The following SCPEP1 variants were observed in gnomAD, a reference collection of about 807,000 sequenced individuals.
The protein encoded by SCPEP1 is serine carboxypeptidase 1.
In SCPEP1, 51 loss-of-function variants were observed where a neutral mutation model predicts 63.8. That is an observed-to-expected ratio of 0.80 (90% CI 0.64 to 1.01). The LOEUF is 1.01. Among genes scored for constraint, SCPEP1 ranks in the 50% least tolerant of loss-of-function variants. SCPEP1 has a pLI of 0.00. For synonymous variants in SCPEP1, 204 were observed against 207.8 expected, an observed-to-expected ratio of 0.98 and a Z score of 0.16; for missense variants, 499 against 554.9, an observed-to-expected ratio of 0.90 and a Z score of 1.01.
At chr17:56,988,830 A>G (rs1051578831) in intron 5 of SCPEP1, among the ~76,000 whole-genome samples, 25 of 152,104 alleles carry the variant, frequency 1.6e-4, no homozygotes, top group African/African-American at 6.0e-4. Context: ...TGGAAAATAG[A>G]AAACTTGTAT....
rs1911058105 is a variant in SCPEP1, at chr17:56,981,196, AC to A, written c.192del (p.Phe65SerfsTer61). On this transcript the variant is annotated frameshift_variant, in exon 2 of 13. Transcript: ENST00000262288. LOFTEE classifies it high-confidence loss of function. ...TATTATGCCACCAACTCCTGCAAGA[AC>A]TTCTCAGAACTGCCCCTGGTCATGT... The part of the protein sequence containing the change: ...WLYYATNSCK[N>X]FSELPLVMWL... 1 of 1,614,018 alleles carries A rather than the reference AC, an allele frequency of 6.2e-7. No homozygotes were observed. Among genetic ancestry groups the A allele is most frequent in the Admixed American group, 1.7e-5 (1 of 59,994 alleles).
intron 1 of SCPEP1, among the ~76,000 whole-genome samples, chr17:56,980,024 G>C (rs1911024090): frequency 6.6e-6 from 1 of 152,032 alleles, no homozygotes; most frequent in African/African-American, 2.4e-5. Context: ...TCCAAAAAAG[G>C]TAATTGTTGC....
chr17:56,985,998 C>A (rs932607441), intron 3 of SCPEP1, among the ~76,000 whole-genome samples: 2 of 152,034 alleles, frequency 1.3e-5, no homozygotes, highest in Non-Finnish European at 2.9e-5. Context: ...TTGGGTCACT[C>A]CCACTGTCCA....
rs1454676643 is a variant in SCPEP1, at chr17:56,997,052, C to T, written c.877C>T (p.Leu293=). 1.3e-6 allele frequency: 2 copies of T among 1,581,234 alleles called. No homozygotes were observed. Residue 293 remains leucine, a synonymous_variant, in exon 9 of 13, where the codon CTA becomes TTA. Transcript: ENST00000262288. ...ESSLEFTQSH[L]VCLCQRHVRH... is the part of the protein sequence containing the mutation. ...GAGTCTAGAATTCACACAGAGCCAC[C>T]TAGGTGAGTGAACCTTGAAGTTATT...
rs765940257 is a variant in SCPEP1 at position 56,995,615 on chromosome 17, G to A, written c.766G>A (p.Ala256Thr). The A allele has an allele frequency of 3.7e-6, 6 of 1,613,916 alleles. No individual in the cohort carries two copies. The highest frequency in any genetic ancestry group is 5.1e-6 in the Non-Finnish European group (6 of 1,179,920). Residue 256 changes from alanine to threonine, a missense_variant, in exon 8 of 13, where the codon GCA becomes ACA. Coordinates refer to ENST00000262288, the MANE Select transcript of SCPEP1 (RefSeq NM_021626.3). ...AGAGGCCACAGAGCTGTGGGGGAAA[G>A]CAGAAATGATCATTGAACAGGTAAA... ...YREATELWGK[A>T]EMIIEQNTDG...
chr17:57,000,574 T>G (rs1284444053), intron 10 of SCPEP1, among the ~76,000 whole-genome samples: 3 of 152,244 alleles, frequency 2.0e-5, no homozygotes, highest in Non-Finnish European at 4.4e-5. Context: ...TCTCCCTCCC[T>G]GTTTCCTTGG....
chr17:56,992,387 G>A (rs1300699632), intron 6 of SCPEP1, among the ~76,000 whole-genome samples: 1 of 152,006 alleles, frequency 6.6e-6, no homozygotes, highest in Non-Finnish European at 1.5e-5. Flanking sequence ...GATCTCGTAG[G>A]ACATCATAAA....
intron 3 of SCPEP1, 113 bp from the exon 4 acceptor site, chr17:56,987,582 C>T: frequency 1.1e-6 from 1 of 911,002 alleles, no homozygotes; most frequent in Admixed American, 2.7e-5. Flanking sequence ...ATATCATCAC[C>T]ACGCTGGTAT....
intron 1 of SCPEP1, 138 bp from the exon 2 acceptor site, chr17:56,980,944 T>G: frequency 1.1e-6 from 1 of 888,678 alleles, no homozygotes; most frequent in Non-Finnish European, 1.7e-6. Flanking sequence ...TCCTTATTCC[T>G]GCAATGTACT....
rs1474311161 is a variant in SCPEP1, at chr17:56,998,446, T to C, written c.942T>C (p.Asn314=). The C allele has an allele frequency of 6.2e-7, 1 of 1,613,978 alleles. No individual in the cohort carries two copies. The highest frequency in any genetic ancestry group is 8.5e-7 in the Non-Finnish European group (1 of 1,179,946). ...GAGATGCCTTAAGCCAGCTCATGAA[T>C]GGCCCCATCAGAAAGAAGCTCAAAA... The part of the protein sequence containing the change: ...LQRDALSQLM[N]GPIRKKLKII... Residue 314 remains asparagine (N), a synonymous_variant, in exon 10 of 13, where the codon AAT becomes AAC. Coordinates refer to ENST00000262288, the MANE Select transcript of SCPEP1 (RefSeq NM_021626.3).
At chr17:56,981,580 C>T (rs1432159291) in intron 2 of SCPEP1, among the ~76,000 whole-genome samples, 2 of 152,008 alleles carry the variant, frequency 1.3e-5, no homozygotes, top group Non-Finnish European at 2.9e-5. Flanking sequence ...TTTGGGAGGC[C>T]GAGGTGGGTG....
At chr17:56,998,167 T>C (rs952443088) in intron 9 of SCPEP1, 1 of 431,326 alleles carries the variant, frequency 2.3e-6, no homozygotes, top group Admixed American at 3.5e-5. Flanking sequence ...AAAAATGAGC[T>C]GGGCATGGTG....
chr17:56,998,123 C>T (rs111526407), intron 9 of SCPEP1: 16,140 of 352,606 alleles, frequency 0.046, 465 homozygotes, highest in Non-Finnish European at 0.052. Flanking sequence ...CCATCCTGGC[C>T]AACATGGTGA....
chr17:56,994,703 G>A (rs58536703), intron 6 of SCPEP1, among the ~76,000 whole-genome samples: 2 of 152,122 alleles, frequency 1.3e-5, no homozygotes, highest in African/African-American at 4.8e-5. Flanking sequence ...TGCTGTCATC[G>A]GCAATGACTC....
At chr17:56,996,884 G>A (rs1207652504) in intron 8 of SCPEP1, 78 bp from the exon 9 acceptor site, 1 of 853,638 alleles carries the variant, frequency 1.2e-6, no homozygotes, top group Non-Finnish European at 1.8e-6. Context: ...ATAAGATAAA[G>A]AGCCATGTGT....
intron 2 of SCPEP1, among the ~76,000 whole-genome samples, chr17:56,981,667 C>A (rs1361046942): frequency 1.3e-5 from 2 of 152,004 alleles, no homozygotes; most frequent in Non-Finnish European, 1.5e-5. Context: ...ATATTTAATA[C>A]AAAAATTATC....
In SCPEP1 at chr17:56,998,494, G is replaced by T. The variant is rs1304696821; in HGVS notation, c.990G>T (p.Trp330Cys). 1.9e-6 allele frequency: 3 copies of T among 1,611,280 alleles called. No individual in the cohort carries two copies. The highest frequency in any genetic ancestry group is 2.5e-6 in the Non-Finnish European group (3 of 1,177,576). ...KLKIIPEDQSWGGQATNVFVN... is the reference protein window; with the variant it reads ...KLKIIPEDQSCGGQATNVFVN... ...AAATTATTCCTGAGGATCAATCCTG[G>T]GGAGGTACTTATATGACCTAATTAA... Residue 330 changes from tryptophan to cysteine, a missense_variant, in exon 10 of 13, where the codon TGG becomes TGT. Trp to Cys is a radical substitution (Grantham distance 215, BLOSUM62 -2). Transcript: ENST00000262288.
chr17:56,983,322 A>G (rs543727116), intron 2 of SCPEP1: 12 of 152,378 alleles, frequency 7.9e-5, no homozygotes, highest in African/African-American at 2.9e-4. Context: ...GATTTCTCCC[A>G]CAAAGACCCA....
chr17:56,987,775 C>T lies in SCPEP1; in HGVS notation c.396C>T (p.Ala132=), dbSNP rs1911267000. 6.2e-6 allele frequency: 10 copies of T among 1,614,084 alleles called. No homozygotes were observed. Among genetic ancestry groups the T allele is most frequent in the Non-Finnish European group, 6.8e-6 (8 of 1,180,018 alleles). Residue 132 remains alanine (A), a synonymous_variant, in exon 4 of 13, where the codon GCC becomes GCT. Coordinates refer to ENST00000262288, the MANE Select transcript of SCPEP1 (RefSeq NM_021626.3). The part of the protein sequence containing the change: ...FSYVNGSGAY[A]KDLAMVASDM... ...ATGTGAATGGTAGTGGTGCCTATGC[C>T]AAGGACCTGGCTATGGTGGCTTCAG...
Sources: allele counts gnomAD v4.1 joint callset (sites outside exome capture counted in the v4.1 genomes callset), GRCh38; gene constraint gnomAD v4.1.1; transcripts MANE v1.5; gene names NCBI Gene and HGNC (gene_info 2026-07-23, HGNC 2026-07-21).